CDK18: variants seen among roughly 807,000 people sequenced by gnomAD.
CDK18 encodes cyclin dependent kinase 18, also known as cyclin-dependent kinase 18.
A neutral mutation model predicts 62.0 loss-of-function variants in CDK18; 52 were observed. The ratio of observed to expected loss-of-function variants is 0.84; its 90% CI spans 0.67 to 1.06. The LOEUF (loss-of-function observed/expected upper bound fraction) is 1.06. Among genes scored for constraint, CDK18 ranks in the 50% least tolerant of loss-of-function variants. The probability of loss-of-function intolerance (pLI) is 0.00; values close to 1 mark genes in which losing one functional copy is unlikely to be tolerated. For missense variants in CDK18, 604 were observed against 619.9 expected (o/e 0.97, Z 0.27); for synonymous variants, 237 against 247.0 (o/e 0.96, Z 0.38).
chr1:205,512,386 A>G (rs1473572674), intron 1 of CDK18, among the ~76,000 whole-genome samples: 1 of 152,260 alleles, frequency 6.6e-6, no homozygotes, highest in Non-Finnish European at 1.5e-5. Context: ...TCCGAGGCCC[A>G]GGGCCCAGGA....
rs1356875142 is a variant in CDK18, at chr1:205,527,528, G to A, written c.730-266G>A. 8 of 447,312 alleles carry A rather than the reference G, an allele frequency of 1.8e-5. No individual in the cohort carries two copies. The highest frequency in any genetic ancestry group is 2.8e-5 in the Non-Finnish European group (7 of 247,648). The allele number at this position is 447,312 out of a possible 1,614,324, so 27.7% of individuals were successfully genotyped here. A position where few individuals can be genotyped will look rare whatever the true frequency, so the allele number is the denominator to read the frequency against. ...GATCAAGCACATATGTCTCCACATA[G>A]GCGGGCATCCTGACCCCCGTGCTCC... is the stretch of plus-strand genomic sequence containing the variant. On this transcript the variant is annotated intron_variant, in intron 8 of 15. Coordinates refer to ENST00000429964, the MANE Select transcript of CDK18 (RefSeq NM_212502.3). The surrounding 1 kb of genome is among the most constrained non-coding windows in gnomAD (Gnocchi z 4.1).
rs1668475906 is a variant in CDK18, at chr1:205,527,126, C to A, written c.729+289C>A. On this transcript the variant is annotated intron_variant, in intron 8 of 15. Coordinates refer to ENST00000429964, the MANE Select transcript of CDK18 (RefSeq NM_212502.3). The surrounding 1 kb of genome is among the most constrained non-coding windows in gnomAD (Gnocchi z 4.1). Reference sequence around the variant, plus strand: ...GTCAAATGGGAGTGTGAGCTACCTGCCAAAATGCAGGGAGGCTTCTGGGGA... The same window carrying A: ...GTCAAATGGGAGTGTGAGCTACCTGACAAAATGCAGGGAGGCTTCTGGGGA... 16 of 427,468 alleles carry A rather than the reference C, an allele frequency of 3.7e-5. No individual in the cohort carries two copies. The highest frequency in any genetic ancestry group is 1.2e-4 in the South Asian group (3 of 25,568). The allele number at this position is 427,468 out of a possible 1,614,324, so 26.5% of individuals were successfully genotyped here. A position where few individuals can be genotyped will look rare whatever the true frequency, so the allele number is the denominator to read the frequency against.
chr1:205,522,897 G>A (rs760828803), intron 1 of CDK18: 34 of 470,728 alleles, frequency 7.2e-5, no homozygotes, highest in Admixed American at 2.9e-4. Flanking sequence ...TGCACAGGGC[G>A]TGGCGGGGCG....
chr1:205,529,258 C>T (rs1668608655), intron 11 of CDK18, 66 bp from the exon 12 acceptor site: 2 of 1,462,238 alleles, frequency 1.4e-6, no homozygotes, highest in Non-Finnish European at 1.9e-6. Context: ...TACATTGCAT[C>T]CCTTTCAAGT....
At chr1:205,519,116 G>A (rs951948654) in intron 1 of CDK18, among the ~76,000 whole-genome samples, 41 of 152,178 alleles carry the variant, frequency 2.7e-4, no homozygotes, top group East Asian at 2.5e-3. Context: ...GCCTGGCCCC[G>A]GGCTGGCCTC....
intron 1 of CDK18, among the ~76,000 whole-genome samples, chr1:205,505,702 T>C (rs1337345996): frequency 6.6e-6 from 1 of 152,134 alleles, no homozygotes; most frequent in Non-Finnish European, 1.5e-5. Context: ...GCAGACCTTG[T>C]GCTGGGTGGG....
intron 1 of CDK18, among the ~76,000 whole-genome samples, chr1:205,506,772 G>A (rs1158237102): frequency 6.6e-6 from 1 of 152,216 alleles, no homozygotes; most frequent in Non-Finnish European, 1.5e-5. Context: ...AAGAATGGGG[G>A]TGATGCTCCA....
intron 1 of CDK18, among the ~76,000 whole-genome samples, chr1:205,508,555 T>A (rs914279368): frequency 6.6e-6 from 1 of 152,190 alleles, no homozygotes; most frequent in Non-Finnish European, 1.5e-5. Context: ...CAGCTACATC[T>A]GCAGAGGAGG....
chr1:205,506,594 G>A (rs1049762978), intron 1 of CDK18, among the ~76,000 whole-genome samples: 2 of 152,180 alleles, frequency 1.3e-5, no homozygotes, highest in Non-Finnish European at 2.9e-5. Context: ...CATTTTACAG[G>A]TGAAGAAACT....
rs193159746 is a variant in CDK18 at position 205,509,922 on chromosome 1, A to G, written c.-22+5126A>G. On this transcript the variant is annotated intron_variant, in intron 1 of 15. Transcript: ENST00000429964. ...TGGCGAAACCCCATCTCTACTAAAA[A>G]TACAAAAATTAGCCAGGCATGGTGG... Among the ~76,000 whole-genome samples, 266 of 152,208 alleles carry G rather than the reference A, an allele frequency of 1.7e-3. 6 individuals are homozygous for G. The highest frequency in any genetic ancestry group is 2.0e-3 in the Non-Finnish European group (136 of 67,996).
intron 1 of CDK18, among the ~76,000 whole-genome samples, chr1:205,515,248 C>T (rs1667763228): frequency 7.0e-6 from 1 of 142,624 alleles, no homozygotes; most frequent in Non-Finnish European, 1.5e-5. Context: ...GCCATTTCGG[C>T]TCACCGCAAA....
intron 1 of CDK18, among the ~76,000 whole-genome samples, chr1:205,520,273 A>T (rs564719978): frequency 1.3e-5 from 2 of 152,322 alleles, no homozygotes; most frequent in South Asian, 4.1e-4. Context: ...GGTGTACATC[A>T]TTGGAGATGT....
chr1:205,530,339 G>C lies in CDK18; in HGVS notation c.1302G>C (p.Gln434His), dbSNP rs977463019. ...YFRSLGERVH[Q>H]LEDTASIFSL... ...GGTCTCTGGGAGAGCGTGTGCACCA[G>C]CTTGAAGACAGTGAGTACTGGGGGT... The change falls in exon 14 of 16, where the codon CAG becomes CAC. Residue 434 changes from glutamine to histidine, a missense_variant. Gln to His is a conservative substitution (Grantham distance 24, BLOSUM62 0). Coordinates refer to ENST00000429964, the MANE Select transcript of CDK18 (RefSeq NM_212502.3). The C allele has an allele frequency of 1.9e-6, 3 of 1,612,732 alleles. No individual in the cohort carries two copies. The highest frequency in any genetic ancestry group is 8.5e-7 in the Non-Finnish European group (1 of 1,180,012).
At position 205,516,053 on chromosome 1, in the gene CDK18, C is replaced by T. The variant is rs1415082064; in HGVS notation, c.-21-7094C>T. ...GAGGCCCCAAGGCTTCTGCTGCTGA[C>T]GCCGCCACAGCTCCAGGCAGCTAAG... On this transcript the variant is annotated intron_variant, in intron 1 of 15. Transcript: ENST00000429964. The surrounding 1 kb of genome is among the most constrained non-coding windows in gnomAD (Gnocchi z 4.8). 3.9e-5 allele frequency among the ~76,000 whole-genome samples: 6 copies of T among 152,134 alleles called. No individual in the cohort carries two copies. Among genetic ancestry groups the T allele is most frequent in the African/African-American group, 1.2e-4 (5 of 41,438 alleles).
At chr1:205,515,261 C>T (rs578075800) in intron 1 of CDK18, among the ~76,000 whole-genome samples, 3 of 147,462 alleles carry the variant, frequency 2.0e-5, no homozygotes, top group East Asian at 4.0e-4. Flanking sequence ...ACCGCAAACT[C>T]TGCCTCCTGG....
In CDK18 at chr1:205,528,445, C is replaced by G. The variant is rs112012045; in HGVS notation, c.974+277C>G. Among the ~76,000 whole-genome samples, 2,459 of 152,100 alleles carry G rather than the reference C, an allele frequency of 0.016. 68 individuals are homozygous for G. The highest frequency in any genetic ancestry group is 0.057 in the African/African-American group (2,357 of 41,458). On this transcript the variant is annotated intron_variant, in intron 10 of 15. Transcript: ENST00000429964. The surrounding 1 kb of genome is among the most constrained non-coding windows in gnomAD (Gnocchi z 4.2). ...AGAGACCCAGAGGGTCCAGGAGGGC[C>G]CCTATAGTAAATACGATGAATCTTC...
chr1:205,524,387 G>T, intron 4 of CDK18, 30 bp downstream of exon 4: 1 of 1,613,532 alleles, frequency 6.2e-7, no homozygotes, highest in Non-Finnish European at 8.5e-7. Flanking sequence ...GAGGACACAA[G>T]GTGGGGTGAT....
intron 3 of CDK18, 140 bp downstream of exon 3, chr1:205,523,765 A>T: frequency 9.0e-7 from 1 of 1,107,664 alleles, no homozygotes; most frequent in Non-Finnish European, 1.3e-6. Context: ...GACTTTGAGC[A>T]AGTTACTCAA....
At chr1:205,515,613 G>A (rs980316028) in intron 1 of CDK18, among the ~76,000 whole-genome samples, 1 of 152,194 alleles carries the variant, frequency 6.6e-6, no homozygotes, top group African/African-American at 2.4e-5. Flanking sequence ...GGCATGGGGT[G>A]TTTTTTCAGG....
Sources: gnomAD v4.1 joint callset for allele counts (sites outside exome capture counted in the v4.1 genomes callset) on GRCh38, gnomAD v4.1.1 for gene constraint, Gnocchi (gnomAD v3.1) non-coding constraint, MANE v1.5 for transcripts, NCBI Gene and HGNC (gene_info 2026-07-23, HGNC 2026-07-21) for gene names.